The following METAP1 variants were observed in gnomAD, a reference collection of about 807,000 sequenced individuals.
METAP1 encodes methionyl aminopeptidase 1.
METAP1 carries 28 observed loss-of-function variants against 53.8 expected under a neutral mutation model. The ratio of observed to expected loss-of-function variants is 0.52; its 90% CI spans 0.39 to 0.71. The LOEUF (loss-of-function observed/expected upper bound fraction) is 0.71, where lower values mean the gene tolerates loss of function less well. Among genes scored for constraint, METAP1 ranks in the 30% least tolerant of loss-of-function variants. The pLI is 0.00. For missense variants in METAP1, 389 were observed against 479.8 expected (o/e 0.81, Z 1.77); for synonymous variants, 181 against 165.7 (o/e 1.09, Z -0.71).
intron 9 of METAP1, among the ~76,000 whole-genome samples, chr4:99,051,666 C>T (rs1383299586): frequency 6.6e-6 from 1 of 152,138 alleles, no homozygotes; most frequent in Non-Finnish European, 1.5e-5. Flanking sequence ...GCTGGGGTTA[C>T]AGGTGTGAGC....
chr4:99,054,035 AT>A lies in METAP1; in HGVS notation c.932-3717del, dbSNP rs571791573. 4.6e-5 allele frequency among the ~76,000 whole-genome samples: 7 copies of A among 150,824 alleles called. No individual in the cohort carries two copies. The South Asian group carries it at 8.3e-4, about 18-fold the overall frequency. On this transcript the variant is annotated intron_variant, in intron 9 of 10. Coordinates refer to ENST00000296411, the MANE Select transcript of METAP1 (RefSeq NM_015143.3). Reference sequence around the variant, plus strand: ...CTTCATTCTTAAGGAATCTTTAGGAATGGTAGATGAGCATTGGCTTCAACTT... The same window carrying A: ...CTTCATTCTTAAGGAATCTTTAGGAAGGTAGATGAGCATTGGCTTCAACTT...
chr4:99,023,550 G>A (rs1046940514), intron 1 of METAP1: 6 of 985,198 alleles, frequency 6.1e-6, no homozygotes, highest in Non-Finnish European at 6.0e-6. Context: ...TTGAGATGGT[G>A]GAAAAGAGAG....
At chr4:99,004,480 C>A (rs1005493958) in intron 1 of METAP1, among the ~76,000 whole-genome samples, 2 of 15,722 alleles carry the variant, frequency 1.3e-4, no homozygotes, top group African/African-American at 5.5e-4. Flanking sequence ...CACACACACA[C>A]ACATACACAC....
chr4:99,026,137 C>G (rs1724543442), intron 1 of METAP1: 1 of 750,654 alleles, frequency 1.3e-6, no homozygotes, highest in South Asian at 6.1e-5. Context: ...CTGGTGCATC[C>G]TTAACTTTGG....
Position 98,995,731 on chromosome 4 carries a change from C to T in METAP1, c.-23C>T, listed in dbSNP as rs1199448511. ...CGCCGCCGCCTCTTCCTCGGTGAGG[C>T]GCTCTTCCAGCGGGCAGGCAGCATG... On this transcript the variant is annotated 5_prime_UTR_variant, in exon 1 of 11. Transcript: ENST00000296411. 23 of 1,539,256 alleles carry T rather than the reference C, an allele frequency of 1.5e-5. No homozygotes were observed. In the East Asian group the frequency reaches 1.7e-4, roughly 12 times the overall value.
At chr4:99,055,390 C>CAAAAAAAAAAAAAAAGAAAAAAA (rs1727031407) in intron 9 of METAP1, among the ~76,000 whole-genome samples, 1 of 122,278 alleles carries the variant, frequency 8.2e-6, no homozygotes. Context: ...GAGTCCATCT[C>CAAAAAAAAAAAAAAAGAAAAAAA]AAAAAAAAAA....
intron 1 of METAP1, among the ~76,000 whole-genome samples, chr4:99,017,560 C>G (rs1231916936): frequency 6.6e-6 from 1 of 152,200 alleles, no homozygotes. Flanking sequence ...AATCTAGATA[C>G]AAATGTTCTG....
intron 1 of METAP1, among the ~76,000 whole-genome samples, chr4:99,011,872 G>T (rs185635183): frequency 3.9e-5 from 6 of 152,266 alleles, no homozygotes; most frequent in South Asian, 4.1e-4. Context: ...CCTAGGAGGC[G>T]GAGGTTGCGG....
chr4:99,047,881 G>C (rs1410310062), intron 8 of METAP1, among the ~76,000 whole-genome samples: 1 of 152,210 alleles, frequency 6.6e-6, no homozygotes. Flanking sequence ...TATATAGTGA[G>C]AAGTATCTTT....
intron 9 of METAP1, among the ~76,000 whole-genome samples, chr4:99,055,390 CAAAA>C (rs34092755): frequency 6.5e-5 from 8 of 122,254 alleles, no homozygotes; most frequent in Non-Finnish European, 7.0e-5. Context: ...GAGTCCATCT[CAAAA>C]AAAAAAAAAA....
intron 1 of METAP1, among the ~76,000 whole-genome samples, chr4:99,003,988 A>G (rs1426614931): frequency 6.6e-6 from 1 of 152,208 alleles, no homozygotes; most frequent in Non-Finnish European, 1.5e-5. Context: ...ACTGGCTTCA[A>G]GTTGGGGTTC....
chr4:99,022,839 G>A, intron 1 of METAP1: 1 of 1,572,720 alleles, frequency 6.4e-7, no homozygotes, highest in Non-Finnish European at 8.6e-7. Context: ...CTGTGGTACT[G>A]CTTTTTTCCC....
chr4:99,008,862 AT>A (rs1723318880), intron 1 of METAP1, among the ~76,000 whole-genome samples: 1 of 152,218 alleles, frequency 6.6e-6, no homozygotes, highest in Non-Finnish European at 1.5e-5. Flanking sequence ...GTAATTTACC[AT>A]TTTTTACATA....
chr4:99,036,771 A>G (rs575210524), intron 4 of METAP1, among the ~76,000 whole-genome samples: 53 of 152,154 alleles, frequency 3.5e-4, no homozygotes, highest in African/African-American at 1.2e-3. Flanking sequence ...TTTGACTGCA[A>G]ATTTGTTGCA....
chr4:99,039,785 G>A (rs1725717362), intron 5 of METAP1, among the ~76,000 whole-genome samples: 1 of 151,968 alleles, frequency 6.6e-6, no homozygotes, highest in South Asian at 2.1e-4. Context: ...GTAGAGATGG[G>A]GTTTCACCAT....
chr4:99,016,743 T>G (rs968160980), intron 1 of METAP1, among the ~76,000 whole-genome samples: 17 of 152,230 alleles, frequency 1.1e-4, no homozygotes, highest in Non-Finnish European at 2.5e-4. Context: ...CTTTAGGGTC[T>G]GCTTATTAGT....
At chr4:99,022,087 G>A (rs1724149602) in intron 1 of METAP1, among the ~76,000 whole-genome samples, 1 of 152,320 alleles carries the variant, frequency 6.6e-6, no homozygotes, top group Admixed American at 6.5e-5. Context: ...AGCATATGCA[G>A]TAGTCATAAT....
chr4:99,040,959 A>C, intron 5 of METAP1, 84 bp from the exon 6 acceptor site: 1 of 659,416 alleles, frequency 1.5e-6, no homozygotes, highest in South Asian at 3.9e-5. Context: ...CATTTTTACC[A>C]ATCTTCCACA....
At chr4:99,052,202 G>C (rs1408622686) in intron 9 of METAP1, among the ~76,000 whole-genome samples, 1 of 152,198 alleles carries the variant, frequency 6.6e-6, no homozygotes, top group Non-Finnish European at 1.5e-5. Context: ...AATGCTAACA[G>C]TCATCTGAGT....
Sources: allele counts gnomAD v4.1 joint callset (sites outside exome capture counted in the v4.1 genomes callset), GRCh38; gene constraint gnomAD v4.1.1; transcripts MANE v1.5; gene names NCBI Gene and HGNC (gene_info 2026-07-23, HGNC 2026-07-21).